Variants in MACROD1 observed in about 807,000 individuals in gnomAD.
The protein encoded by MACROD1 is ADP-ribose glycohydrolase MACROD1.
Under a neutral mutation model 41.4 loss-of-function variants are expected in MACROD1, and 31 were observed. That is an observed-to-expected ratio of 0.75 (90% CI 0.56 to 1.01). The LOEUF (loss-of-function observed/expected upper bound fraction) is 1.01, where lower values mean the gene tolerates loss of function less well. MACROD1 is among the 50% of genes least tolerant of loss of function. The probability of loss-of-function intolerance (pLI) is 0.00; values close to 1 mark genes in which losing one functional copy is unlikely to be tolerated. For synonymous variants in MACROD1, 252 were observed against 203.4 expected (o/e 1.24, Z -2.03); for missense variants, 473 against 460.0 (o/e 1.03, Z -0.26).
At chr11:64,100,759 C>T in intron 3 of MACROD1, among the ~76,000 whole-genome samples, 1 of 152,182 alleles carries the variant, frequency 6.6e-6, no homozygotes, top group East Asian at 1.9e-4. Flanking sequence ...ATACACACCC[C>T]AGAAGCCTGA....
intron 3 of MACROD1, among the ~76,000 whole-genome samples, chr11:64,097,913 T>G (rs545396721): frequency 2.8e-4 from 43 of 152,084 alleles, no homozygotes; most frequent in African/African-American, 9.4e-4. Flanking sequence ...CTGGGAGCAC[T>G]CAGCTGCCCT....
In MACROD1 at chr11:64,096,655, T is replaced by C. The variant is rs1944581509; in HGVS notation, c.517+54584A>G. ...TGGTCTCGAACTCCTGACCTCAAGTTATCCGCCTGCCTCAGCCTCCCAAAG... is the reference window on the plus strand; with the variant it reads ...TGGTCTCGAACTCCTGACCTCAAGTCATCCGCCTGCCTCAGCCTCCCAAAG... On this transcript the variant is annotated intron_variant, in intron 3 of 10. Coordinates refer to ENST00000255681, the MANE Select transcript of MACROD1 (RefSeq NM_014067.4). This position sits in a 1 kb window ranked among gnomAD's most constrained non-coding sequence, Gnocchi z 4.6. Among the ~76,000 whole-genome samples, 1 of 152,042 alleles carries C rather than the reference T, an allele frequency of 6.6e-6. No homozygotes were observed. The highest frequency in any genetic ancestry group is 1.5e-5 in the Non-Finnish European group (1 of 67,982).
intron 3 of MACROD1, among the ~76,000 whole-genome samples, chr11:64,028,627 T>C (rs983869693): frequency 6.6e-6 from 1 of 152,176 alleles, no homozygotes; most frequent in African/African-American, 2.4e-5. Context: ...AGCGTGCTGG[T>C]TGCTGGGCAA....
chr11:64,163,146 C>T (rs532515837), intron 1 of MACROD1, among the ~76,000 whole-genome samples: 2 of 133,466 alleles, frequency 1.5e-5, no homozygotes, highest in African/African-American at 5.3e-5. Flanking sequence ...AACAAACAAA[C>T]AAACAAAAAT....
intron 4 of MACROD1, 77 bp downstream of exon 4, chr11:64,015,175 G>A: frequency 1.4e-6 from 2 of 1,432,482 alleles, no homozygotes; most frequent in Non-Finnish European, 1.9e-6. Flanking sequence ...GGCACCGAGG[G>A]CGAGGGGCAG....
At chr11:64,013,136 TTATTA>T (rs1318932824) in intron 4 of MACROD1, among the ~76,000 whole-genome samples, 1 of 152,166 alleles carries the variant, frequency 6.6e-6, no homozygotes, top group Non-Finnish European at 1.5e-5. Flanking sequence ...TACTGAGCAC[TTATTA>T]TAAGTGCCAG....
intron 4 of MACROD1, among the ~76,000 whole-genome samples, chr11:64,004,101 C>T (rs919033609): frequency 3.9e-5 from 6 of 152,224 alleles, no homozygotes; most frequent in South Asian, 2.1e-4. Flanking sequence ...CTTGACCCTC[C>T]GCCCCATCTT....
Position 64,114,256 on chromosome 11 carries a change from G to GTGGATTGATGGA in MACROD1, c.517+36982_517+36983insTCCATCAATCCA, listed in dbSNP as rs139072150. Among the ~76,000 whole-genome samples the GTGGATTGATGGA allele has an allele frequency of 6.3e-4, 87 of 138,016 alleles. 1 individual carries two copies. The highest frequency in any genetic ancestry group is 8.7e-4 in the Non-Finnish European group (56 of 64,270). The allele number at this position is 138,016 out of a possible 152,430, so 90.5% of individuals were successfully genotyped here. On this transcript the variant is annotated intron_variant, in intron 3 of 10. Transcript: ENST00000255681. Reference sequence around the variant, plus strand: ...GATGCATGGATGAATGGATGGTTAGGTGGATGGATGGATGGATGGATGGAT... The same window carrying GTGGATTGATGGA: ...GATGCATGGATGAATGGATGGTTAGGTGGATTGATGGATGGATGGATGGATGGATGGATGGAT...
chr11:64,089,334 G>A (rs1944449919), intron 3 of MACROD1, among the ~76,000 whole-genome samples: 1 of 152,136 alleles, frequency 6.6e-6, no homozygotes, highest in South Asian at 2.1e-4. Flanking sequence ...CCAGGGATTC[G>A]GACCCAAACT....
chr11:64,026,343 AATGTT>A (rs1555009558), intron 3 of MACROD1, among the ~76,000 whole-genome samples: 6 of 152,108 alleles, frequency 3.9e-5, no homozygotes, highest in Non-Finnish European at 8.8e-5. Context: ...ACTGGTGTTT[AATGTT>A]CCATGGTGGA....
At chr11:64,063,166 G>A (rs1037425499) in intron 3 of MACROD1, among the ~76,000 whole-genome samples, 1 of 152,298 alleles carries the variant, frequency 6.6e-6, no homozygotes, top group African/African-American at 2.4e-5. Context: ...TGCAGGAGCT[G>A]GGTGTGTTAA....
chr11:64,114,603 A>G (rs1333064331), intron 3 of MACROD1, among the ~76,000 whole-genome samples: 1 of 149,374 alleles, frequency 6.7e-6, no homozygotes, highest in Non-Finnish European at 1.5e-5. Flanking sequence ...AGGATGGTGG[A>G]CAGATGGATG....
At chr11:64,043,093 G>A (rs559116) in intron 3 of MACROD1, among the ~76,000 whole-genome samples, 21,019 of 152,188 alleles carry the variant, frequency 0.14, 1,821 homozygotes, top group Non-Finnish European at 0.19. Context: ...GACGCCTCAC[G>A]TCCCCTCTCT....
intron 3 of MACROD1, among the ~76,000 whole-genome samples, chr11:64,115,903 T>C (rs1944969468): frequency 6.6e-6 from 1 of 152,180 alleles, no homozygotes; most frequent in South Asian, 2.1e-4. Flanking sequence ...TGGCTCTCAC[T>C]AAATTAACCT....
At chr11:64,001,549 T>A in intron 4 of MACROD1, 1 of 702,436 alleles carries the variant, frequency 1.4e-6, no homozygotes, top group East Asian at 2.7e-5. Flanking sequence ...TTTTGCTGTT[T>A]GATCTCGTGC....
intron 3 of MACROD1, among the ~76,000 whole-genome samples, chr11:64,065,462 G>T (rs1295071677): frequency 6.6e-6 from 1 of 152,184 alleles, no homozygotes; most frequent in East Asian, 1.9e-4. Context: ...GCCTGGCAGG[G>T]TGTGTGCTTG....
intron 3 of MACROD1, among the ~76,000 whole-genome samples, chr11:64,074,304 T>A (rs946415279): frequency 2.6e-5 from 4 of 152,174 alleles, no homozygotes; most frequent in African/African-American, 9.7e-5. Context: ...CTTTCCTAGC[T>A]GCCGAGCTCC....
chr11:64,039,009 C>A (rs949640991), intron 3 of MACROD1, among the ~76,000 whole-genome samples: 1 of 152,136 alleles, frequency 6.6e-6, no homozygotes, highest in Admixed American at 6.5e-5. Context: ...TAGTCTACAC[C>A]CCTCGTTCAC....
At chr11:64,092,108 T>C (rs1249654548) in intron 3 of MACROD1, among the ~76,000 whole-genome samples, 1 of 152,210 alleles carries the variant, frequency 6.6e-6, no homozygotes, top group African/African-American at 2.4e-5. Flanking sequence ...GCCACCGTCC[T>C]TCCTGGCCTC....
Sources: gnomAD v4.1 joint callset for allele counts (sites outside exome capture counted in the v4.1 genomes callset) on GRCh38, gnomAD v4.1.1 for gene constraint, Gnocchi (gnomAD v3.1) non-coding constraint, MANE v1.5 for transcripts, NCBI Gene and HGNC (gene_info 2026-07-23, HGNC 2026-07-21) for gene names.